PRKCH: variants seen among roughly 807,000 people sequenced by gnomAD.
The protein encoded by PRKCH is protein kinase C eta.
PRKCH carries 28 observed loss-of-function variants against 82.5 expected under a neutral mutation model. The ratio of observed to expected loss-of-function variants is 0.34; its 90% confidence interval spans 0.25 to 0.47. The LOEUF is 0.47. Among genes scored for constraint, PRKCH ranks in the 20% least tolerant of loss-of-function variants. The pLI, the probability that PRKCH is intolerant of heterozygous loss-of-function variation, is 1.00. For missense variants in PRKCH, 705 were observed against 881.8 expected, an observed-to-expected ratio of 0.80 and a Z score of 2.54; for synonymous variants, 322 against 327.4, an observed-to-expected ratio of 0.98 and a Z score of 0.18.
At chr14:61,382,732 C>T (rs887458932) in intron 1 of PRKCH, among the ~76,000 whole-genome samples, 2 of 152,298 alleles carry the variant, frequency 1.3e-5, no homozygotes, top group Middle Eastern at 3.4e-3. Context: ...CTAGATGAAC[C>T]TTCTACCTTT....
At chr14:61,198,682 G>A (rs2044458584) in intron 1 of PRKCH, among the ~76,000 whole-genome samples, 1 of 152,198 alleles carries the variant, frequency 6.6e-6, no homozygotes, top group East Asian at 1.9e-4. Flanking sequence ...ACATTAGTCA[G>A]ACTTCCTAGT....
At chr14:61,480,294 C>T (rs1376630897) in intron 9 of PRKCH, among the ~76,000 whole-genome samples, 2 of 152,306 alleles carry the variant, frequency 1.3e-5, no homozygotes, top group African/African-American at 2.4e-5. Flanking sequence ...CCAGTACTTC[C>T]CTAAATGCAG....
intron 10 of PRKCH, among the ~76,000 whole-genome samples, chr14:61,490,246 C>G (rs1164749017): frequency 6.6e-6 from 1 of 152,216 alleles, no homozygotes; most frequent in African/African-American, 2.4e-5. Context: ...CCAACTCTGA[C>G]ATGCCGCCTT....
rs557564446 is a variant in PRKCH at position 61,500,270 on chromosome 14, T to C, written c.1433+14614T>C. Among the ~76,000 whole-genome samples the C allele has an allele frequency of 8.6e-5, 13 of 152,040 alleles. No homozygotes were observed. The South Asian group carries it at 2.7e-3, about 32-fold the overall frequency. On this transcript the variant is annotated intron_variant, in intron 10 of 13. Coordinates refer to ENST00000332981, the MANE Select transcript of PRKCH (RefSeq NM_006255.5). Reference sequence around the variant, plus strand: ...CCAGGCTGGAGTGCAGCGGTGCAGCTCACTGCAGCCTAGAGCTCCTGGGCT... The same window carrying C: ...CCAGGCTGGAGTGCAGCGGTGCAGCCCACTGCAGCCTAGAGCTCCTGGGCT...
At chr14:61,243,495 C>G (rs74885834) in intron 1 of PRKCH, among the ~76,000 whole-genome samples, 1 of 151,490 alleles carries the variant, frequency 6.6e-6, no homozygotes, top group South Asian at 2.1e-4. Flanking sequence ...CTGAGGCATA[C>G]AGTATATTTA....
chr14:61,281,285 G>T (rs993980708), intron 1 of PRKCH: 3 of 427,788 alleles, frequency 7.0e-6, no homozygotes, highest in Non-Finnish European at 1.2e-5. Context: ...TTTTGCCCGG[G>T]CCCCTCCTCT....
chr14:61,368,276 T>C (rs1489217374), intron 1 of PRKCH, among the ~76,000 whole-genome samples: 1 of 151,820 alleles, frequency 6.6e-6, no homozygotes, highest in Non-Finnish European at 1.5e-5. Flanking sequence ...CCTTCACCTC[T>C]TCTCTGGCTA....
At chr14:61,314,831 C>T (rs1407996255) in intron 1 of PRKCH, among the ~76,000 whole-genome samples, 1 of 152,126 alleles carries the variant, frequency 6.6e-6, no homozygotes, top group East Asian at 1.9e-4. Context: ...CCGTCAGGAC[C>T]CTTTGGCTAG....
chr14:61,276,677 G>A (rs952041083), intron 1 of PRKCH, among the ~76,000 whole-genome samples: 6 of 127,432 alleles, frequency 4.7e-5, no homozygotes, highest in African/African-American at 1.2e-4. Flanking sequence ...TTTTGATTAC[G>A]TGTATGCCCT....
intron 10 of PRKCH, among the ~76,000 whole-genome samples, chr14:61,517,675 A>G (rs2252253): frequency 0.98 from 149,720 of 152,356 alleles, 73,613 homozygotes; most frequent in East Asian, 1. Context: ...GTTGGTCTTC[A>G]TGCCATGTGT....
chr14:61,400,810 T>C (rs936839586), intron 2 of PRKCH, among the ~76,000 whole-genome samples: 3 of 152,192 alleles, frequency 2.0e-5, no homozygotes, highest in Non-Finnish European at 4.4e-5. Flanking sequence ...GAGGCTGTTG[T>C]AATTCTCAGT....
chr14:61,471,332 G>A (rs1885494766), intron 9 of PRKCH, among the ~76,000 whole-genome samples: 1 of 152,130 alleles, frequency 6.6e-6, no homozygotes, highest in African/African-American at 2.4e-5. Flanking sequence ...TCAGTTTTGG[G>A]GACATTCAGT....
intron 10 of PRKCH, among the ~76,000 whole-genome samples, chr14:61,527,465 A>G (rs898723506): frequency 1.3e-5 from 2 of 152,108 alleles, no homozygotes; most frequent in Admixed American, 6.5e-5. Context: ...TTTTGCTTTC[A>G]CCGAAGCCCT....
chr14:61,308,662 T>C (rs989215789), intron 1 of PRKCH, among the ~76,000 whole-genome samples: 5 of 152,216 alleles, frequency 3.3e-5, no homozygotes, highest in African/African-American at 1.2e-4. Flanking sequence ...AGAGTCTCGC[T>C]CCATTGCCCA....
intron 1 of PRKCH, among the ~76,000 whole-genome samples, chr14:61,340,742 C>T (rs1267778895): frequency 6.6e-6 from 1 of 152,166 alleles, no homozygotes; most frequent in African/African-American, 2.4e-5. Flanking sequence ...ATCCTTTAGG[C>T]ATCTCCAAGT....
rs118159957 is a variant in PRKCH, at chr14:61,293,795, C to T, written c.-19+106127C>T. The stretch of plus-strand genomic sequence containing the variant: ...GAAAAGTTAGTTTCCTAGACAGCAC[C>T]TGTGGTCTGAACTTCAGTACTTCTC... On this transcript the variant is annotated intron_variant, in intron 1 of 3. Coordinates refer to the PRKCH transcript ENST00000555185. Among the ~76,000 whole-genome samples the T allele has an allele frequency of 5.3e-4, 81 of 152,284 alleles. No individual in the cohort carries two copies. The East Asian group carries it at 0.013, about 24-fold the overall frequency.
At chr14:61,514,374 G>A (rs1214930876) in intron 10 of PRKCH, among the ~76,000 whole-genome samples, 2 of 151,278 alleles carry the variant, frequency 1.3e-5, no homozygotes, top group Non-Finnish European at 2.9e-5. Context: ...AACATGAGCA[G>A]GCAGTCACCA....
intron 1 of PRKCH, among the ~76,000 whole-genome samples, chr14:61,226,247 T>A (rs2044695561): frequency 6.6e-6 from 1 of 152,190 alleles, no homozygotes; most frequent in Non-Finnish European, 1.5e-5. Context: ...TTAAAGAGCA[T>A]GAAAAATATT....
At chr14:61,405,525 G>T (rs1342820602) in intron 2 of PRKCH, among the ~76,000 whole-genome samples, 1 of 152,074 alleles carries the variant, frequency 6.6e-6, no homozygotes, top group African/African-American at 2.4e-5. Flanking sequence ...TTACAGGCGC[G>T]CAGCACCACG....
Sources: gnomAD v4.1 joint callset for allele counts (sites outside exome capture counted in the v4.1 genomes callset) on GRCh38, gnomAD v4.1.1 for gene constraint, MANE v1.5 for transcripts, NCBI Gene and HGNC (gene_info 2026-07-23, HGNC 2026-07-21) for gene names.